Variants in USO1 observed in about 807,000 individuals in gnomAD.
USO1 encodes USO1 vesicle transport factor.
In USO1, 57 loss-of-function variants were observed where a neutral mutation model predicts 124.5. The ratio of observed to expected loss-of-function variants is 0.46; its 90% CI spans 0.37 to 0.57. The LOEUF is 0.57. USO1 is among the 20% of genes least tolerant of loss of function. The probability of loss-of-function intolerance (pLI) is 0.00; values close to 1 mark genes in which losing one functional copy is unlikely to be tolerated. For missense variants in USO1, 900 were observed against 1,040.6 expected, an observed-to-expected ratio of 0.86 and a Z score of 1.86; for synonymous variants, 369 against 362.8, an observed-to-expected ratio of 1.02 and a Z score of -0.19.
intron 7 of USO1, 59 bp downstream of exon 7, chr4:75,771,196 G>T (rs1364141099): frequency 1.3e-6 from 2 of 1,519,352 alleles, no homozygotes; most frequent in African/African-American, 2.8e-5. Context: ...TCTTGCAAAT[G>T]AAATCCTTGT....
Position 75,810,458 on chromosome 4 carries a change from G to A in USO1, c.2502G>A (p.Glu834=). The change falls in exon 22 of 24, where the codon GAG becomes GAA. Residue 834 remains glutamate (E), a synonymous_variant. Coordinates refer to ENST00000514213, the MANE Select transcript of USO1 (RefSeq NM_003715.4). ...CAAAATCAGTTGAGGTACAAGGAGA[G>A]ACCGAGACTATAATAGCCACCAAAA... The part of the protein sequence containing the change: ...AFAKSVEVQG[E]TETIIATKTT... 6.2e-7 allele frequency: 1 copy of A among 1,612,620 alleles called. No individual in the cohort carries two copies. Among genetic ancestry groups the A allele is most frequent in the Non-Finnish European group, 8.5e-7 (1 of 1,179,444 alleles).
rs1723205078 is a variant in USO1, at chr4:75,813,377, TAA to T, written c.*84_*85del. 1 of 1,387,806 alleles carries T rather than the reference TAA, an allele frequency of 7.2e-7. No individual in the cohort carries two copies. Among genetic ancestry groups the T allele is most frequent in the East Asian group, 2.6e-5 (1 of 38,410 alleles). 86.0% of individuals were successfully genotyped at this position (1,387,806 alleles called of 1,614,324 possible). On this transcript the variant is annotated 3_prime_UTR_variant, in exon 24 of 24. Transcript: ENST00000514213. Reference sequence around the variant, plus strand: ...AACTTTGGTTTACCTCCATGGAAAATAAAGATTTAGAAACCAGGTGGAAAACA... The same window carrying T: ...AACTTTGGTTTACCTCCATGGAAAATAGATTTAGAAACCAGGTGGAAAACA...
At position 75,745,625 on chromosome 4, in the gene USO1, C is replaced by T. The variant is rs1377307423; in HGVS notation, c.67-6748C>T. On this transcript the variant is annotated intron_variant, in intron 1 of 23. Coordinates refer to ENST00000514213, the MANE Select transcript of USO1 (RefSeq NM_003715.4). ...AAGAGTTTATTAGTTTGTAGCCAGG[C>T]GCAGTGGCTCACACCTGTAATTCCA... Among the ~76,000 whole-genome samples the T allele has an allele frequency of 3.9e-5, 6 of 152,220 alleles. No individual in the cohort carries two copies. In the East Asian group the frequency reaches 5.8e-4, roughly 15 times the overall value.
intron 9 of USO1, among the ~76,000 whole-genome samples, chr4:75,784,506 G>C (rs558593552): frequency 3.0e-4 from 45 of 152,292 alleles, no homozygotes; most frequent in African/African-American, 9.6e-4. Flanking sequence ...TATTCTGAAG[G>C]AAGTGTCACT....
chr4:75,801,327 C>T, intron 17 of USO1, 127 bp downstream of exon 17: 1 of 1,139,566 alleles, frequency 8.8e-7, no homozygotes, highest in Non-Finnish European at 1.2e-6. Context: ...TTTTTCAAAG[C>T]ATCTGAGTAT....
At chr4:75,763,882 T>C (rs1383159436) in intron 4 of USO1, among the ~76,000 whole-genome samples, 1 of 152,170 alleles carries the variant, frequency 6.6e-6, no homozygotes, top group Non-Finnish European at 1.5e-5. Flanking sequence ...TTTTAGATAT[T>C]AGTGTAGTAG....
intron 22 of USO1, 131 bp downstream of exon 22, chr4:75,810,670 C>A: frequency 8.7e-7 from 1 of 1,145,554 alleles, no homozygotes; most frequent in Non-Finnish European, 1.2e-6. Flanking sequence ...ACAACATTTT[C>A]ACTCCTATAT....
chr4:75,751,843 AT>A (rs1205634973), intron 1 of USO1, among the ~76,000 whole-genome samples: 14 of 149,572 alleles, frequency 9.4e-5, no homozygotes, highest in Non-Finnish European at 7.4e-5. Flanking sequence ...AAAAAAAAAA[AT>A]TTTTTTTTTG....
intron 20 of USO1, among the ~76,000 whole-genome samples, chr4:75,808,108 G>A (rs373748262): frequency 6.6e-5 from 10 of 152,206 alleles, no homozygotes; most frequent in South Asian, 2.1e-4. Flanking sequence ...AAATGTCCTC[G>A]GGGATGGGGG....
At chr4:75,752,267 C>T (rs1210173000) in intron 1 of USO1, 106 bp from the exon 2 acceptor site, 9 of 395,476 alleles carry the variant, frequency 2.3e-5, no homozygotes, top group Non-Finnish European at 3.6e-5. Context: ...ATTTCTGTTA[C>T]ATCCCATGTG....
At chr4:75,761,565 C>G (rs553587951) in intron 4 of USO1, among the ~76,000 whole-genome samples, 124 of 152,310 alleles carry the variant, frequency 8.1e-4, no homozygotes, top group African/African-American at 2.9e-3. Flanking sequence ...AATGCATACT[C>G]AGTAATGATG....
At chr4:75,806,607 A>G (rs753977243) in intron 20 of USO1, 35 bp downstream of exon 20, 1 of 1,546,272 alleles carries the variant, frequency 6.5e-7, no homozygotes, top group South Asian at 1.2e-5. Context: ...CTACTTTGTC[A>G]TGTTTTAATT....
intron 1 of USO1, among the ~76,000 whole-genome samples, chr4:75,736,578 C>A (rs1720798679): frequency 6.6e-6 from 1 of 152,142 alleles, no homozygotes; most frequent in Admixed American, 6.5e-5. Context: ...TCTGGGACTA[C>A]AGGCGTGGGC....
At chr4:75,764,667 A>G (rs1721713567) in intron 4 of USO1, among the ~76,000 whole-genome samples, 1 of 152,264 alleles carries the variant, frequency 6.6e-6, no homozygotes, top group Non-Finnish European at 1.5e-5. Flanking sequence ...TGTTTTCCCA[A>G]ATGTCAATAA....
At chr4:75,795,320 A>G (rs950903435) in intron 13 of USO1, 1 of 702,284 alleles carries the variant, frequency 1.4e-6, no homozygotes, top group African/African-American at 1.7e-5. Context: ...AATAATTTGT[A>G]ATGTATAATT....
chr4:75,730,795 A>G (rs1720610042), intron 1 of USO1, among the ~76,000 whole-genome samples: 1 of 151,880 alleles, frequency 6.6e-6, no homozygotes, highest in African/African-American at 2.4e-5. Flanking sequence ...GTCAAAAGTT[A>G]TTCACCATTA....
intron 1 of USO1, among the ~76,000 whole-genome samples, chr4:75,731,644 A>G (rs1386771663): frequency 6.6e-6 from 1 of 152,232 alleles, no homozygotes; most frequent in Non-Finnish European, 1.5e-5. Flanking sequence ...GACTATTAGC[A>G]TGAATTATTT....
At chr4:75,779,175 C>CCT (rs1165460830) in intron 8 of USO1, among the ~76,000 whole-genome samples, 1 of 152,030 alleles carries the variant, frequency 6.6e-6, no homozygotes, top group Non-Finnish European at 1.5e-5. Flanking sequence ...ACTGGCCCAT[C>CCT]CTCTCTCTCT....
At chr4:75,778,699 A>G (rs1213020451) in intron 8 of USO1, among the ~76,000 whole-genome samples, 5 of 152,196 alleles carry the variant, frequency 3.3e-5, no homozygotes, top group African/African-American at 9.6e-5. Context: ...AATGGTGGAG[A>G]CAAGAGATTA....
Sources: gnomAD v4.1 joint callset for allele counts (sites outside exome capture counted in the v4.1 genomes callset) on GRCh38, gnomAD v4.1.1 for gene constraint, MANE v1.5 for transcripts, NCBI Gene and HGNC (gene_info 2026-07-23, HGNC 2026-07-21) for gene names.